BUD13: variants seen among roughly 807,000 people sequenced by gnomAD.
BUD13 encodes the protein BUD13 spliceosome associated protein.
A neutral mutation model predicts 62.5 loss-of-function variants in BUD13; 47 were observed. The ratio of observed to expected loss-of-function variants is 0.75; its 90% CI spans 0.60 to 0.96. BUD13 has a LOEUF of 0.96. Among genes scored for constraint, BUD13 ranks in the 40% least tolerant of loss-of-function variants. The pLI is 0.00. For missense variants in BUD13, 821 were observed against 790.9 expected (o/e 1.04, Z -0.46); for synonymous variants, 293 against 280.1 (o/e 1.05, Z -0.46).
chr11:116,759,127 T>C lies in BUD13; in HGVS notation c.1307A>G (p.Gln436Arg). Residue 436 changes from glutamine (Q) to arginine (R), a missense_variant, in exon 6 of 10, where the codon CAG (glutamine) becomes CGG (arginine). By Grantham distance (43) the Gln-to-Arg change is conservative. Around this residue, in one of 2 missense-constraint regions of BUD13, gnomAD observed 800 missense variants for 739.2 expected, o/e 1.08. Transcript: ENST00000260210. ...AKTGLVLTDI[Q>R]REQQELKEQD... ...TTCCTTGAGCTCCTGCTGTTCTCGCTGTATGTCAGTTAACACCAACCCAGT... is the reference window on the plus strand; with the variant it reads ...TTCCTTGAGCTCCTGCTGTTCTCGCCGTATGTCAGTTAACACCAACCCAGT... 6.2e-7 allele frequency: 1 copy of C among 1,614,138 alleles called. No homozygotes were observed. Among genetic ancestry groups the C allele is most frequent in the Non-Finnish European group, 8.5e-7 (1 of 1,180,026 alleles).
At chr11:116,762,489 T>C in intron 4 of BUD13, 64 bp downstream of exon 4, 4 of 1,349,104 alleles carry the variant, frequency 3.0e-6, no homozygotes, top group Non-Finnish European at 4.1e-6. Flanking sequence ...ATAAATCAAC[T>C]AAACGGCCAA....
chr11:116,756,214 G>A (rs1465399246), intron 9 of BUD13, among the ~76,000 whole-genome samples: 1 of 151,962 alleles, frequency 6.6e-6, no homozygotes, highest in African/African-American at 2.4e-5. Flanking sequence ...GAGTGGTTGG[G>A]CATGGTGGCT....
intron 9 of BUD13, among the ~76,000 whole-genome samples, chr11:116,756,373 G>A (rs1303375464): frequency 6.6e-6 from 1 of 151,914 alleles, no homozygotes; most frequent in Admixed American, 6.6e-5. Flanking sequence ...TTAGCTGGGT[G>A]TGGCAGCGGG....
intron 7 of BUD13, 131 bp downstream of exon 7, chr11:116,758,138 T>A (rs1940364550): frequency 1.4e-6 from 2 of 1,453,500 alleles, no homozygotes; most frequent in East Asian, 2.3e-5. Flanking sequence ...GGAAGAAGAT[T>A]CAGCACACCA....
At chr11:116,766,974 GC>G (rs1940541194) in intron 2 of BUD13, among the ~76,000 whole-genome samples, 1 of 149,844 alleles carries the variant, frequency 6.7e-6, no homozygotes, top group Non-Finnish European at 1.5e-5. Flanking sequence ...GATTGCTTGA[GC>G]CCAGGAGTTC....
intron 3 of BUD13, among the ~76,000 whole-genome samples, chr11:116,764,661 T>C (rs1490094501): frequency 6.6e-6 from 1 of 152,162 alleles, no homozygotes; most frequent in East Asian, 1.9e-4. Context: ...GCTACAAAAA[T>C]CAAATACCTA....
chr11:116,769,745 C>G (rs1291134542), intron 2 of BUD13, among the ~76,000 whole-genome samples: 1 of 152,142 alleles, frequency 6.6e-6, no homozygotes, highest in Non-Finnish European at 1.5e-5. Context: ...CTACCCTAAG[C>G]TGGAAAAATA....
intron 2 of BUD13, among the ~76,000 whole-genome samples, chr11:116,769,722 C>T (rs1267149407): frequency 6.6e-6 from 1 of 152,032 alleles, no homozygotes; most frequent in Non-Finnish European, 1.5e-5. Flanking sequence ...TCTCAACTAA[C>T]CCCCCTACAA....
At chr11:116,762,473 T>C (rs1289733790) in intron 4 of BUD13, 80 bp downstream of exon 4, 14 of 1,213,630 alleles carry the variant, frequency 1.2e-5, no homozygotes, top group Non-Finnish European at 1.6e-5. Flanking sequence ...TCCATTCTTA[T>C]ACCTAATAAA....
Position 116,761,726 on chromosome 11 carries a change from T to C in BUD13, c.1037-774A>G, listed in dbSNP as rs185116983. On this transcript the variant is annotated intron_variant, in intron 4 of 9. Coordinates refer to ENST00000260210, the MANE Select transcript of BUD13 (RefSeq NM_032725.4). ...AAGTACTTTAATTTTAAAATTAAAA[T>C]AGTTCCTAGGAACAAAAGAGGGAGT... Among the ~76,000 whole-genome samples the C allele has an allele frequency of 2.6e-3, 399 of 152,338 alleles. 2 individuals are homozygous for C. The highest frequency in any genetic ancestry group is 3.7e-3 in the South Asian group (18 of 4,828).
At chr11:116,761,060 C>A in intron 4 of BUD13, 108 bp from the exon 5 acceptor site, 3 of 883,670 alleles carry the variant, frequency 3.4e-6, no homozygotes, top group Non-Finnish European at 5.0e-6. Context: ...GAATTCCTTA[C>A]ATTATTATTA....
At chr11:116,759,932 G>A (rs1321717485) in intron 5 of BUD13, among the ~76,000 whole-genome samples, 5 of 152,072 alleles carry the variant, frequency 3.3e-5, no homozygotes, top group African/African-American at 7.2e-5. Flanking sequence ...GCACATCACA[G>A]GCTCTATCAT....
intron 9 of BUD13, among the ~76,000 whole-genome samples, chr11:116,751,162 C>T (rs1264006417): frequency 6.6e-6 from 1 of 152,192 alleles, no homozygotes; most frequent in Non-Finnish European, 1.5e-5. Flanking sequence ...AACCAAACAG[C>T]GTTGAAACTG....
chr11:116,759,896 G>A lies in BUD13; in HGVS notation c.1255-717C>T, dbSNP rs191314766. 2.0e-3 allele frequency among the ~76,000 whole-genome samples: 308 copies of A among 152,296 alleles called. 2 individuals are homozygous for A. The highest frequency in any genetic ancestry group is 7.1e-3 in the African/African-American group (293 of 41,554). On this transcript the variant is annotated intron_variant, in intron 5 of 9. Coordinates refer to ENST00000260210, the MANE Select transcript of BUD13 (RefSeq NM_032725.4). Reference sequence around the variant, plus strand: ...AGTCTTCTACAGACAAGATTTACCTGATAAGTCTGCACTGGGGAGAAAAAT... The same window carrying A: ...AGTCTTCTACAGACAAGATTTACCTAATAAGTCTGCACTGGGGAGAAAAAT...
At position 116,757,240 on chromosome 11, in the gene BUD13, G is replaced by A. The variant is rs773881860; in HGVS notation, c.1685-13C>T. ...TAGCGAGGTCTCACTAATGAGAGGA[G>A]TAAGAAAAAAGTATTCAGTTAATGA... On this transcript the variant is annotated splice_polypyrimidine_tract_variant and intron_variant, in intron 8 of 9. Coordinates refer to ENST00000260210, the MANE Select transcript of BUD13 (RefSeq NM_032725.4). The A allele has an allele frequency of 1.9e-6, 3 of 1,607,050 alleles. No individual in the cohort carries two copies. The highest frequency in any genetic ancestry group is 1.7e-5 in the Admixed American group (1 of 59,702).
In BUD13 at chr11:116,759,191, A is replaced by C. The variant is rs780503700; in HGVS notation, c.1255-12T>G. 6.3e-7 allele frequency: 1 copy of C among 1,589,236 alleles called. No homozygotes were observed. The highest frequency in any genetic ancestry group is 8.6e-7 in the Non-Finnish European group (1 of 1,157,772). On this transcript the variant is annotated splice_polypyrimidine_tract_variant and intron_variant, in intron 5 of 9. Transcript: ENST00000260210. ...TACATGTGTGCAGCCTATGCAACGG[A>C]AAAGGGAGCATCCAACATTAATGAG...
intron 9 of BUD13, among the ~76,000 whole-genome samples, chr11:116,748,980 C>CAAAAAAAAAAAAAAAAAAAAAAAA (rs58988682): frequency 1.8e-4 from 16 of 86,988 alleles, no homozygotes; most frequent in East Asian, 3.4e-4. Context: ...GACTCTGTCT[C>CAAAAAAAAAAAAAAAAAAAAAAAA]AAAAAAAAAA....
intron 2 of BUD13, among the ~76,000 whole-genome samples, chr11:116,767,178 AAT>A (rs1940545770): frequency 6.7e-6 from 1 of 149,800 alleles, no homozygotes; most frequent in African/African-American, 2.5e-5. Context: ...ACAGTGTGAG[AAT>A]ATGTCTCAAA....
At chr11:116,750,628 G>A (rs545979406) in intron 9 of BUD13, among the ~76,000 whole-genome samples, 6 of 152,264 alleles carry the variant, frequency 3.9e-5, no homozygotes, top group South Asian at 2.1e-4. Context: ...CCTGCAAGTC[G>A]TAGTTCAGAC....
Sources: allele counts gnomAD v4.1 joint callset (sites outside exome capture counted in the v4.1 genomes callset), GRCh38; gene constraint gnomAD v4.1.1; regional missense constraint gnomAD v4.1.1; transcripts MANE v1.5; gene names NCBI Gene and HGNC (gene_info 2026-07-23, HGNC 2026-07-21).